CSMD3: variants seen among roughly 807,000 people sequenced by gnomAD.
CSMD3 encodes the protein CUB and sushi domain-containing protein 3.
CSMD3 carries 177 observed loss-of-function variants against 435.2 expected under a neutral mutation model. The ratio of observed to expected loss-of-function variants is 0.41; its 90% CI spans 0.36 to 0.46. CSMD3 has a LOEUF of 0.46. CSMD3 is among the 20% of genes least tolerant of loss of function. The pLI, the probability that CSMD3 is intolerant of heterozygous loss-of-function variation, is 0.34. For missense variants in CSMD3, 4,265 were observed against 4,504.6 expected (o/e 0.95, Z 1.52); for synonymous variants, 1,656 against 1,520.5 (o/e 1.09, Z -2.07).
At chr8:113,002,959 G>C (rs920470528) in intron 6 of CSMD3, among the ~76,000 whole-genome samples, 4 of 152,054 alleles carry the variant, frequency 2.6e-5, no homozygotes, top group Non-Finnish European at 4.4e-5. Context: ...ACTAGTGTTG[G>C]CCAGGCACGG....
At position 112,295,904 on chromosome 8, in the gene CSMD3, C is replaced by T. The variant is rs201914089; in HGVS notation, c.8543G>A (p.Arg2848Gln). 3.1e-6 allele frequency: 5 copies of T among 1,613,842 alleles called. No homozygotes were observed. Among genetic ancestry groups the T allele is most frequent in the Middle Eastern group, 3.3e-4 (2 of 6,062 alleles). ...TVVYQCNPGFRLIGSSVRICQ... is the reference protein window; with the variant it reads ...TVVYQCNPGFQLIGSSVRICQ... The stretch of plus-strand genomic sequence containing the variant: ...TATCCTCACTGAAGAACCAATCAAT[C>T]GAAAACCAGGATTACATTGATATAC... Residue 2848 changes from arginine to glutamine, a missense_variant, in exon 54 of 71, where the codon CGA becomes CAA. Arg to Gln is a conservative substitution (Grantham distance 43). Around this residue, in one of 3 missense-constraint regions of CSMD3, gnomAD observed 3,255 missense variants for 3,380.2 expected, o/e 0.96. Coordinates refer to ENST00000297405, the MANE Select transcript of CSMD3 (RefSeq NM_198123.2).
intron 1 of CSMD3, among the ~76,000 whole-genome samples, chr8:113,345,759 C>T (rs1329785518): frequency 6.6e-6 from 1 of 152,042 alleles, no homozygotes; most frequent in African/African-American, 2.4e-5. Context: ...TAATTCTAAA[C>T]TTATTCCTAT....
intron 2 of CSMD3, chr8:113,313,336 T>C (rs1169057689): frequency 6.6e-6 from 1 of 152,192 alleles, no homozygotes; most frequent in African/African-American, 2.4e-5. Context: ...TTTCTTTTTT[T>C]TTTGAGACGG....
intron 32 of CSMD3, among the ~76,000 whole-genome samples, chr8:112,446,272 T>C (rs1815597835): frequency 1.3e-5 from 2 of 152,200 alleles, no homozygotes; most frequent in African/African-American, 4.8e-5. Flanking sequence ...AAGCACTGTA[T>C]AAATCCTTTT....
intron 3 of CSMD3, among the ~76,000 whole-genome samples, chr8:113,178,166 A>G (rs1374742132): frequency 6.6e-6 from 1 of 151,958 alleles, no homozygotes; most frequent in African/African-American, 2.4e-5. Flanking sequence ...ATCAGCTTTG[A>G]TAGGCATTTG....
At chr8:113,270,117 G>C (rs1167759217) in intron 3 of CSMD3, among the ~76,000 whole-genome samples, 1 of 151,646 alleles carries the variant, frequency 6.6e-6, no homozygotes, top group Non-Finnish European at 1.5e-5. Flanking sequence ...AAATTTACAA[G>C]AAAAAAACAA....
At chr8:112,357,534 G>A (rs570695970) in intron 38 of CSMD3, among the ~76,000 whole-genome samples, 20 of 152,342 alleles carry the variant, frequency 1.3e-4, no homozygotes, top group Admixed American at 2.6e-4. Context: ...TGGGGAAAAT[G>A]TTTCCAGGGC....
intron 32 of CSMD3, among the ~76,000 whole-genome samples, chr8:112,452,500 T>G (rs759064169): frequency 2.6e-5 from 4 of 152,226 alleles, no homozygotes; most frequent in Non-Finnish European, 5.9e-5. Flanking sequence ...GTGATTAAGT[T>G]TCTTTAAAAT....
At chr8:113,085,872 G>A (rs941344537) in intron 5 of CSMD3, among the ~76,000 whole-genome samples, 1 of 152,116 alleles carries the variant, frequency 6.6e-6, no homozygotes, top group African/African-American at 2.4e-5. Context: ...AATAGAGGAT[G>A]AATATAGTTA....
chr8:112,397,163 T>C (rs997849180), intron 35 of CSMD3, among the ~76,000 whole-genome samples: 3 of 152,212 alleles, frequency 2.0e-5, no homozygotes, highest in Admixed American at 6.5e-5. Context: ...AAAATATTTA[T>C]AGTTAAAAAT....
chr8:113,196,898 A>G (rs1309879131), intron 3 of CSMD3, among the ~76,000 whole-genome samples: 2 of 151,178 alleles, frequency 1.3e-5, no homozygotes, highest in Non-Finnish European at 3.0e-5. Flanking sequence ...TAGTAAAGTG[A>G]TTTTAAAAGT....
intron 9 of CSMD3, among the ~76,000 whole-genome samples, chr8:112,925,552 C>CA (rs112849223): frequency 0.31 from 45,398 of 145,460 alleles, 7,060 homozygotes; most frequent in East Asian, 0.42. Context: ...GACGCCATCT[C>CA]AAAAAAAAAA....
intron 3 of CSMD3, among the ~76,000 whole-genome samples, chr8:113,258,452 G>A (rs1204781082): frequency 1.3e-5 from 2 of 152,228 alleles, no homozygotes; most frequent in Admixed American, 1.3e-4. Context: ...ACATTCTCCA[G>A]CAACCAATGT....
chr8:113,103,164 G>T (rs2090378189), intron 4 of CSMD3, among the ~76,000 whole-genome samples: 1 of 152,100 alleles, frequency 6.6e-6, no homozygotes, highest in Admixed American at 6.6e-5. Flanking sequence ...CAAGACTTAA[G>T]AATAATATAT....
intron 10 of CSMD3, among the ~76,000 whole-genome samples, chr8:112,865,891 C>T (rs576702352): frequency 6.6e-6 from 1 of 152,210 alleles, no homozygotes; most frequent in African/African-American, 2.4e-5. Context: ...TACTTAGAGT[C>T]ACAACAAAGA....
chr8:112,847,431 G>A (rs1369881811), intron 11 of CSMD3, among the ~76,000 whole-genome samples: 1 of 152,078 alleles, frequency 6.6e-6, no homozygotes, highest in African/African-American at 2.4e-5. Flanking sequence ...AAACTATCAG[G>A]TGTAATTTAC....
intron 32 of CSMD3, among the ~76,000 whole-genome samples, chr8:112,420,580 T>A (rs1375727958): frequency 1.3e-5 from 2 of 152,142 alleles, no homozygotes; most frequent in Non-Finnish European, 2.9e-5. Flanking sequence ...ATAAAATCTA[T>A]AACCCACATC....
intron 1 of CSMD3, among the ~76,000 whole-genome samples, chr8:113,330,518 T>C (rs1285344301): frequency 6.6e-6 from 1 of 151,904 alleles, no homozygotes; most frequent in African/African-American, 2.4e-5. Flanking sequence ...CAGGTATTGC[T>C]AGATGGATGA....
Position 112,318,820 on chromosome 8 carries a change from TA to T in CSMD3, c.7360+16del. 1 of 1,502,800 alleles carries T rather than the reference TA, an allele frequency of 6.7e-7. No homozygotes were observed. Among genetic ancestry groups the T allele is most frequent in the East Asian group, 2.3e-5 (1 of 44,226 alleles). 93.1% of individuals were successfully genotyped at this position (1,502,800 alleles called of 1,614,324 possible). A position where few individuals can be genotyped will look rare whatever the true frequency, so the allele number is the denominator to read the frequency against. ...CAAATATTTAAGAAATAAATAATCA[TA>T]GGAACCATTGAATACCTTGACAAAC... On this transcript the variant is annotated intron_variant, in intron 47 of 70. Transcript: ENST00000297405.
Sources: allele counts gnomAD v4.1 joint callset (sites outside exome capture counted in the v4.1 genomes callset), GRCh38; gene constraint gnomAD v4.1.1; regional missense constraint gnomAD v4.1.1; transcripts MANE v1.5; gene names NCBI Gene and HGNC (gene_info 2026-07-23, HGNC 2026-07-21).